Variants in PTPN3 observed in about 807,000 individuals in gnomAD.
PTPN3 encodes the protein tyrosine-protein phosphatase non-receptor type 3.
PTPN3 carries 96 observed loss-of-function variants against 132.7 expected under a neutral mutation model. The observed-to-expected ratio is 0.72, with a 90% confidence interval of 0.61 to 0.86. The LOEUF (loss-of-function observed/expected upper bound fraction) is 0.86, where lower values mean the gene tolerates loss of function less well. Ranked by LOEUF, PTPN3 falls within the 40% of genes least tolerant of loss-of-function variation. PTPN3 has a pLI of 0.00. For missense variants in PTPN3, 1,125 were observed against 1,159.6 expected (o/e 0.97, Z 0.43); for synonymous variants, 398 against 429.0 (o/e 0.93, Z 0.89).
the PTPN3 span, among the ~76,000 whole-genome samples, chr9:109,522,861 T>C: frequency 1.3e-5 from 2 of 152,178 alleles, no homozygotes; most frequent in Non-Finnish European, 2.9e-5. Flanking sequence ...TTAATTATAA[T>C]ATAATTAATA....
In PTPN3 at chr9:109,377,863, A is replaced by C. The variant is rs973218587; in HGVS notation, c.*1693T>G. The C allele has an allele frequency of 6.6e-6, 1 of 152,208 alleles. No individual in the cohort carries two copies. The highest frequency in any genetic ancestry group is 1.5e-5 in the Non-Finnish European group (1 of 68,040). The allele number at this position is 152,208 out of a possible 1,614,324, so 9.4% of individuals were successfully genotyped here. ...CCAGGCCCGCAAGTAGTTAGTGCTG[A>C]GTGGGCGTAGGAACTGAATCCCCTG... On this transcript the variant is annotated 3_prime_UTR_variant, in exon 26 of 26. Transcript: ENST00000374541.
At chr9:109,483,250 C>T (rs948218914) in intron 1 of PTPN3, among the ~76,000 whole-genome samples, 2 of 152,234 alleles carry the variant, frequency 1.3e-5, no homozygotes, top group African/African-American at 4.8e-5. Context: ...CTGGCAATTT[C>T]ACCAAAGGCC....
At chr9:109,449,740 C>G in intron 5 of PTPN3, 1 of 985,380 alleles carries the variant, frequency 1.0e-6, no homozygotes, top group East Asian at 1.1e-4. Context: ...AAAAGGGAAA[C>G]CTCTTGAAAT....
At chr9:109,460,638 TC>T (rs1179635810) in intron 2 of PTPN3, among the ~76,000 whole-genome samples, 18 of 152,304 alleles carry the variant, frequency 1.2e-4, no homozygotes, top group Admixed American at 2.6e-4. Context: ...TGGGATGTGC[TC>T]CCTCCAGATG....
rs114418676 is a variant in PTPN3 at position 109,418,416 on chromosome 9, C to T, written c.1313+2008G>A. 3.3e-3 allele frequency among the ~76,000 whole-genome samples: 502 copies of T among 152,348 alleles called. 7 individuals carry two copies. Among genetic ancestry groups the T allele is most frequent in the African/African-American group, 0.012 (488 of 41,584 alleles). ...CAGAGGGTGCTGGGCTGTGAGGGCA[C>T]TCAGAGGCTATCCACCTGCCCCATG... On this transcript the variant is annotated intron_variant, in intron 14 of 25. Transcript: ENST00000374541.
In PTPN3 at chr9:109,436,912, A is replaced by T; in HGVS notation, c.646T>A (p.Phe216Ile). Residue 216 changes from phenylalanine (F) to isoleucine (I), a missense_variant, in exon 9 of 26, where the codon TTC (phenylalanine) becomes ATC (isoleucine). Phe to Ile is a conservative substitution (Grantham distance 21). Coordinates refer to ENST00000374541, the MANE Select transcript of PTPN3 (RefSeq NM_002829.4). ...CYINIARTLD[F>I]YGVELHSGRD... is the part of the protein sequence containing the mutation. ...CCACTGTGCAGTTCTACTCCATAGA[A>T]GTCGAGGGTCCGCGCTATGTTGATA... 6.2e-7 allele frequency: 1 copy of T among 1,614,168 alleles called. No individual in the cohort carries two copies. Among genetic ancestry groups the T allele is most frequent in the Non-Finnish European group, 8.5e-7 (1 of 1,179,998 alleles).
rs1427766434 is a variant in PTPN3, at chr9:109,389,284, A to C, written c.2202T>G (p.Asp734Glu). 1.9e-6 allele frequency: 3 copies of C among 1,614,202 alleles called. No individual in the cohort carries two copies. The highest frequency in any genetic ancestry group is 3.3e-5 in the Admixed American group (2 of 60,022). The change falls in exon 22 of 26, where the codon GAT becomes GAG. Residue 734 changes from aspartate (D) to glutamate (E), a missense_variant. By Grantham distance (45) the Asp-to-Glu change is conservative (BLOSUM62 2). Coordinates refer to ENST00000374541, the MANE Select transcript of PTPN3 (RefSeq NM_002829.4). ...ACATGACAATGAGTGACAACTTCTG[A>C]TCCCAGACAACCTGCCAAAACTGTG... Reference protein sequence around the residue: ...TCAQFWQVVWDQKLSLIVMLT... With the variant: ...TCAQFWQVVWEQKLSLIVMLT...
intron 5 of PTPN3, chr9:109,449,927 T>C (rs62576440): frequency 0.019 from 18,560 of 985,368 alleles, 196 homozygotes; most frequent in Non-Finnish European, 0.021. Flanking sequence ...GCTTTGTACA[T>C]GGTACTACTT....
At chr9:109,533,911 T>C in the PTPN3 span, 61 of 752,152 alleles carry the variant, frequency 8.1e-5, no homozygotes, top group Non-Finnish European at 7.2e-6. Flanking sequence ...GGTTACGGTC[T>C]GCTGCATGTT....
intron 19 of PTPN3, among the ~76,000 whole-genome samples, chr9:109,394,252 A>AT (rs913395667): frequency 1.1e-4 from 17 of 152,188 alleles, no homozygotes; most frequent in Non-Finnish European, 2.4e-4. Flanking sequence ...GGAAAAAGAG[A>AT]TTTTTTTTCA....
chr9:109,528,265 G>A, the PTPN3 span, among the ~76,000 whole-genome samples: 2 of 152,130 alleles, frequency 1.3e-5, no homozygotes, highest in African/African-American at 4.8e-5. Context: ...CTAATGTTCA[G>A]CAAAAGACAT....
chr9:109,501,369 C>T (rs1225602511), upstream of PTPN3, among the ~76,000 whole-genome samples: 2 of 152,148 alleles, frequency 1.3e-5, no homozygotes, highest in Non-Finnish European at 2.9e-5. Flanking sequence ...CACACTGCCT[C>T]TCTGTGTAGT....
At chr9:109,508,167 T>C in the PTPN3 span, among the ~76,000 whole-genome samples, 3 of 147,810 alleles carry the variant, frequency 2.0e-5, no homozygotes, top group Admixed American at 2.0e-4. Context: ...TCTCTCTCTT[T>C]TTTTTTTTTT....
chr9:109,425,640 G>C (rs576307908), intron 12 of PTPN3, among the ~76,000 whole-genome samples: 14 of 151,916 alleles, frequency 9.2e-5, no homozygotes, highest in Non-Finnish European at 1.6e-4. Flanking sequence ...GAACCCAGGA[G>C]ACAGAGGTTG....
rs758807392 is a variant in PTPN3 at position 109,408,344 on chromosome 9, A to T, written c.1612T>A (p.Ser538Thr). Residue 538 changes from serine to threonine, a missense_variant, in exon 17 of 26, where the codon TCA becomes ACA. Ser to Thr is a moderately conservative substitution (Grantham distance 58). Coordinates refer to ENST00000374541, the MANE Select transcript of PTPN3 (RefSeq NM_002829.4). ...GVDQKMPLVV[S>T]RINPESPADT... is the part of the protein sequence containing the mutation. ...ACAGGTGACTCTGGGTTTATCCTTGATACCACAAGAGGCATCTTTTGATCC... is the reference window on the plus strand; with the variant it reads ...ACAGGTGACTCTGGGTTTATCCTTGTTACCACAAGAGGCATCTTTTGATCC... 2.5e-6 allele frequency: 4 copies of T among 1,585,220 alleles called. No homozygotes were observed. The highest frequency in any genetic ancestry group is 3.4e-6 in the Non-Finnish European group (4 of 1,161,898).
At chr9:109,456,032 G>C (rs1408154105) in intron 4 of PTPN3, among the ~76,000 whole-genome samples, 1 of 152,226 alleles carries the variant, frequency 6.6e-6, no homozygotes, top group Non-Finnish European at 1.5e-5. Context: ...TCTGAACGCA[G>C]AGGATGCAGC....
the PTPN3 span, among the ~76,000 whole-genome samples, chr9:109,510,696 G>C: frequency 1.3e-5 from 2 of 149,352 alleles, no homozygotes; most frequent in Admixed American, 6.7e-5. Flanking sequence ...TTGTAATCAC[G>C]TGGGAAAATG....
chr9:109,408,297 A>T lies in PTPN3; in HGVS notation c.1635+24T>A, dbSNP rs370221640. ...AGGGGGAAACAAACAAACACGAGGA[A>T]TAACATGGAATGTATTTACTTACAG... On this transcript the variant is annotated intron_variant, in intron 17 of 25. Coordinates refer to ENST00000374541, the MANE Select transcript of PTPN3 (RefSeq NM_002829.4). 125 of 1,513,460 alleles carry T rather than the reference A, an allele frequency of 8.3e-5. No individual in the cohort carries two copies. The African/African-American group carries it at 1.6e-3, about 19-fold the overall frequency. The allele number at this position is 1,513,460 out of a possible 1,614,324, so 93.8% of individuals were successfully genotyped here. A position where few individuals can be genotyped will look rare whatever the true frequency, so the allele number is the denominator to read the frequency against.
Position 109,382,521 on chromosome 9 carries a change from AGGGT to A in PTPN3, c.2383-78_2383-75del, listed in dbSNP as rs1429193450. On this transcript the variant is annotated intron_variant, in intron 23 of 25. Transcript: ENST00000374541. ...GAGGACCCAGCCCCAACCCAGACAC[AGGGT>A]GGCCCTGTCTCCTGATGCTTTCTCC... The A allele has an allele frequency of 4.5e-6, 7 of 1,547,654 alleles. No homozygotes were observed. In the African/African-American group the frequency reaches 9.5e-5, roughly 21 times the overall value.
Sources: allele counts gnomAD v4.1 joint callset (sites outside exome capture counted in the v4.1 genomes callset), GRCh38; gene constraint gnomAD v4.1.1; transcripts MANE v1.5; gene names NCBI Gene and HGNC (gene_info 2026-07-23, HGNC 2026-07-21).